BCL11B: variants seen among roughly 807,000 people sequenced by gnomAD.
BCL11B encodes the protein BCL11 transcription factor B.
Under a neutral mutation model 49.9 loss-of-function variants are expected in BCL11B, and 8 were observed. The ratio of observed to expected loss-of-function variants is 0.16; its 90% CI spans 0.09 to 0.29. The LOEUF (loss-of-function observed/expected upper bound fraction) is 0.29, where lower values mean the gene tolerates loss of function less well. Ranked by LOEUF, BCL11B falls within the 10% of genes least tolerant of loss-of-function variation. The pLI, the probability that BCL11B is intolerant of heterozygous loss-of-function variation, is 1.00. For synonymous variants in BCL11B, 739 were observed against 637.4 expected (o/e 1.16, Z -2.40); for missense variants, 1,006 against 1,351.0 (o/e 0.74, Z 4.00).
At chr14:99,198,919 G>C (rs903978227) in intron 3 of BCL11B, among the ~76,000 whole-genome samples, 1 of 152,088 alleles carries the variant, frequency 6.6e-6, no homozygotes, top group African/African-American at 2.4e-5. Flanking sequence ...CCATCCCCAG[G>C]TGCACCCCAG....
In BCL11B at chr14:99,271,308, C is replaced by CGCCGCT. The variant is rs904431267; in HGVS notation, c.-96_-91dup. Reference sequence around the variant, plus strand: ...GTCCGAGCCGCCGCCGCGCCGCTGCCGCCGCTGCCGCCGCCGCCGCCGCCG... The same window carrying CGCCGCT: ...GTCCGAGCCGCCGCCGCGCCGCTGCCGCCGCTGCCGCTGCCGCCGCCGCCGCCGCCG... On this transcript the variant is annotated 5_prime_UTR_variant, in exon 1 of 4. Coordinates refer to ENST00000357195, the MANE Select transcript of BCL11B (RefSeq NM_138576.4). 4 of 878,320 alleles carry CGCCGCT rather than the reference C, an allele frequency of 4.6e-6. No homozygotes were observed. Among genetic ancestry groups the CGCCGCT allele is most frequent in the East Asian group, 3.5e-5 (1 of 28,846 alleles). The allele number at this position is 878,320 out of a possible 1,614,324, so 54.4% of individuals were successfully genotyped here. A position where few individuals can be genotyped will look rare whatever the true frequency, so the allele number is the denominator to read the frequency against.
intron 3 of BCL11B, among the ~76,000 whole-genome samples, chr14:99,181,164 C>T (rs1161317192): frequency 2.0e-5 from 3 of 152,226 alleles, no homozygotes; most frequent in African/African-American, 7.2e-5. Flanking sequence ...TAGTGGCCCA[C>T]TGCTGTTCGA....
At chr14:99,221,908 G>A (rs899079100) in intron 3 of BCL11B, among the ~76,000 whole-genome samples, 15 of 152,310 alleles carry the variant, frequency 9.8e-5, no homozygotes, top group Admixed American at 2.0e-4. Flanking sequence ...TATGACCAGC[G>A]TATGAAGGAA....
At chr14:99,265,120 G>A (rs78837096) in intron 1 of BCL11B, among the ~76,000 whole-genome samples, 91 of 152,314 alleles carry the variant, frequency 6.0e-4, no homozygotes, top group Middle Eastern at 3.4e-3. Context: ...GCCGCAAAGT[G>A]ACAAAGCATA....
At chr14:99,208,578 C>T (rs947791283) in intron 3 of BCL11B, among the ~76,000 whole-genome samples, 1 of 152,190 alleles carries the variant, frequency 6.6e-6, no homozygotes, top group African/African-American at 2.4e-5. Context: ...GAGCACGGGG[C>T]TGCACTTAAC....
intron 3 of BCL11B, among the ~76,000 whole-genome samples, chr14:99,223,853 T>C (rs1380025381): frequency 6.6e-6 from 1 of 152,212 alleles, no homozygotes; most frequent in Non-Finnish European, 1.5e-5. Context: ...CTCTCCATCC[T>C]GAGATCTGCT....
intron 3 of BCL11B, among the ~76,000 whole-genome samples, chr14:99,225,340 G>A (rs1234305947): frequency 6.6e-6 from 1 of 152,144 alleles, no homozygotes; most frequent in East Asian, 1.9e-4. Context: ...GATTGTTATA[G>A]ACTGACTTGA....
In BCL11B at chr14:99,233,643, G is replaced by A. The variant is rs557023252; in HGVS notation, c.428-2086C>T. On this transcript the variant is annotated intron_variant, in intron 2 of 3. Transcript: ENST00000357195. The stretch of plus-strand genomic sequence containing the variant: ...GCTAAGAAGCTGACTCTGTCTCCGT[G>A]GTGGGAGGAACCGTTGCAGAGCAGG... Among the ~76,000 whole-genome samples the A allele has an allele frequency of 2.8e-3, 430 of 152,346 alleles. 1 individual carries two copies. Among genetic ancestry groups the A allele is most frequent in the Middle Eastern group, 0.017 (5 of 294 alleles).
intron 1 of BCL11B, among the ~76,000 whole-genome samples, chr14:99,263,930 A>G (rs1041487987): frequency 6.6e-6 from 1 of 152,246 alleles, no homozygotes; most frequent in Admixed American, 6.5e-5. Context: ...AAAAGTCTTG[A>G]CAAATAAAAT....
chr14:99,232,595 G>A lies in BCL11B; in HGVS notation c.428-1038C>T, dbSNP rs532513065. Among the ~76,000 whole-genome samples, 45 of 152,312 alleles carry A rather than the reference G, an allele frequency of 3.0e-4. No individual in the cohort carries two copies. The South Asian group carries it at 8.9e-3, about 30-fold the overall frequency. On this transcript the variant is annotated intron_variant, in intron 2 of 3. Transcript: ENST00000357195. This position sits in a 1 kb window ranked among gnomAD's most constrained non-coding sequence, Gnocchi z 5.1. Reference sequence around the variant, plus strand: ...AGTCTGCCCACTCCAGGGCCCCCACGTGGATTCCCCCATCGCAAGGAGAGC... The same window carrying A: ...AGTCTGCCCACTCCAGGGCCCCCACATGGATTCCCCCATCGCAAGGAGAGC...
chr14:99,196,699 T>C (rs1430331497), intron 3 of BCL11B, among the ~76,000 whole-genome samples: 1 of 152,178 alleles, frequency 6.6e-6, no homozygotes, highest in African/African-American at 2.4e-5. Flanking sequence ...TTGTCCACCA[T>C]CAGAGAGGAT....
At chr14:99,207,202 T>A (rs1027033585) in intron 3 of BCL11B, among the ~76,000 whole-genome samples, 1 of 152,180 alleles carries the variant, frequency 6.6e-6, no homozygotes, top group Non-Finnish European at 1.5e-5. Context: ...TTTTAATGCT[T>A]CTATTACTGG....
intron 3 of BCL11B, among the ~76,000 whole-genome samples, chr14:99,186,497 G>A (rs1411540972): frequency 3.3e-5 from 5 of 152,196 alleles, no homozygotes; most frequent in Admixed American, 2.6e-4. Context: ...TCCAGCCTGG[G>A]TGATGGAACA....
chr14:99,190,149 C>A (rs1341851332), intron 3 of BCL11B, among the ~76,000 whole-genome samples: 4 of 152,356 alleles, frequency 2.6e-5, no homozygotes, highest in African/African-American at 9.6e-5. Flanking sequence ...ACACTTAAAG[C>A]CACATAACAT....
At position 99,271,720 on chromosome 14, in the gene BCL11B, C is replaced by T. The variant is rs1257238174; in HGVS notation, c.-502G>A. 6.6e-6 allele frequency among the ~76,000 whole-genome samples: 1 copy of T among 151,064 alleles called. No individual in the cohort carries two copies. Among genetic ancestry groups the T allele is most frequent in the African/African-American group, 2.4e-5 (1 of 40,996 alleles). On this transcript the variant is annotated 5_prime_UTR_variant, in exon 1 of 4. Coordinates refer to ENST00000357195, the MANE Select transcript of BCL11B (RefSeq NM_138576.4). ...CTGGTAGGTGGAAAGCGCACTTCTA[C>T]CAGGAGGGGAAAAAAAATGCAAACA... is the stretch of plus-strand genomic sequence containing the variant.
chr14:99,226,666 G>C (rs1888170419), intron 3 of BCL11B, among the ~76,000 whole-genome samples: 1 of 152,184 alleles, frequency 6.6e-6, no homozygotes, highest in Non-Finnish European at 1.5e-5. Flanking sequence ...TGCATTAATT[G>C]CATCAGGCTT....
intron 3 of BCL11B, among the ~76,000 whole-genome samples, chr14:99,211,521 C>T (rs919536656): frequency 7.9e-5 from 12 of 152,238 alleles, no homozygotes; most frequent in Admixed American, 7.2e-4. Flanking sequence ...CACACATGCA[C>T]ACTCACACAT....
intron 3 of BCL11B, among the ~76,000 whole-genome samples, chr14:99,225,266 T>G (rs1257449): frequency 0.027 from 4,052 of 152,324 alleles, 184 homozygotes; most frequent in African/African-American, 0.092. Context: ...ACTCTCTGCC[T>G]TGGTTTCCCC....
chr14:99,248,658 A>C lies in BCL11B; in HGVS notation c.427+8813T>G, dbSNP rs1888916252. Among the ~76,000 whole-genome samples, 1 of 152,136 alleles carries C rather than the reference A, an allele frequency of 6.6e-6. No homozygotes were observed. The highest frequency in any genetic ancestry group is 1.5e-5 in the Non-Finnish European group (1 of 68,028). ...GAAAGACCTAAGCTTTCAATCTAACAGTTTTCATTTTCACCACCAGTTTCT... is the reference window on the plus strand; with the variant it reads ...GAAAGACCTAAGCTTTCAATCTAACCGTTTTCATTTTCACCACCAGTTTCT... On this transcript the variant is annotated intron_variant, in intron 2 of 3. Transcript: ENST00000357195. This position sits in a 1 kb window ranked among gnomAD's most constrained non-coding sequence, Gnocchi z 4.7.
Sources: gnomAD v4.1 joint callset for allele counts (sites outside exome capture counted in the v4.1 genomes callset) on GRCh38, gnomAD v4.1.1 for gene constraint, Gnocchi (gnomAD v3.1) non-coding constraint, MANE v1.5 for transcripts, NCBI Gene and HGNC (gene_info 2026-07-23, HGNC 2026-07-21) for gene names.